Variants in RBM6 observed in about 807,000 individuals in gnomAD.
The protein encoded by RBM6 is RNA-binding protein 6.
A neutral mutation model predicts 140.4 loss-of-function variants in RBM6; 23 were observed. The observed-to-expected ratio is 0.16, with a 90% CI of 0.12 to 0.23. The LOEUF (loss-of-function observed/expected upper bound fraction) is 0.23. Among genes scored for constraint, RBM6 ranks in the 10% least tolerant of loss-of-function variants. The pLI is 1.00. For synonymous variants in RBM6, 439 were observed against 475.6 expected (o/e 0.92, Z 1.00); for missense variants, 1,139 against 1,386.7 (o/e 0.82, Z 2.84).
At chr3:50,027,228 T>G (rs1188300467) in intron 6 of RBM6, among the ~76,000 whole-genome samples, 2 of 152,154 alleles carry the variant, frequency 1.3e-5, no homozygotes, top group Non-Finnish European at 2.9e-5. Context: ...GGTGCTCATC[T>G]GGGCCAGAAT....
chr3:50,009,042 A>C (rs1055738170), intron 6 of RBM6, among the ~76,000 whole-genome samples: 2 of 152,154 alleles, frequency 1.3e-5, no homozygotes, highest in African/African-American at 4.8e-5. Context: ...GGTTGTACCA[A>C]CTTCTCATTT....
intron 5 of RBM6, among the ~76,000 whole-genome samples, chr3:49,998,777 A>T (rs145952833): frequency 6.6e-6 from 1 of 152,138 alleles, no homozygotes; most frequent in South Asian, 2.1e-4. Context: ...GGACATAGTT[A>T]TTTGTACTTA....
Position 50,058,502 on chromosome 3 carries a change from C to A in RBM6, c.2070C>A (p.Ile690=). Residue 690 remains isoleucine (I), a synonymous_variant, in exon 10 of 21, where the codon ATC becomes ATA. Coordinates refer to ENST00000266022, the MANE Select transcript of RBM6 (RefSeq NM_005777.3). The part of the protein sequence containing the change: ...VRLTTANVRI[I]KNRTGPMGHT... ...TTACTACTGCCAACGTCCGTATCAT[C>A]AAGAACAGAACAGGCCCTATGGGGC... 1 of 1,609,514 alleles carries A rather than the reference C, an allele frequency of 6.2e-7. No homozygotes were observed. Among genetic ancestry groups the A allele is most frequent in the Non-Finnish European group, 8.5e-7 (1 of 1,175,790 alleles).
chr3:49,968,560 A>G lies in RBM6; in HGVS notation c.1135A>G (p.Ser379Gly), dbSNP rs1159024081. ...KSQLSGREEQ[S>G]SDAGLFKEEG... ...ACAGCTTTCTGGACGTGAAGAGCAG[A>G]GTTCAGATGCTGGTCTGTTTAAAGA... Residue 379 changes from serine to glycine, a missense_variant, in exon 3 of 21, where the codon AGT (serine) becomes GGT (glycine). By Grantham distance (56) the Ser-to-Gly change is moderately conservative (BLOSUM62 0). This residue lies in a region of RBM6 where 566 missense variants were observed against 612.7 expected (regional missense o/e 0.92). Transcript: ENST00000266022. 1 of 1,614,174 alleles carries G rather than the reference A, an allele frequency of 6.2e-7. No homozygotes were observed. The highest frequency in any genetic ancestry group is 2.2e-5 in the East Asian group (1 of 44,874).
At chr3:50,055,417 G>A (rs989151952) in intron 8 of RBM6, among the ~76,000 whole-genome samples, 6 of 151,844 alleles carry the variant, frequency 4.0e-5, no homozygotes, top group Admixed American at 6.6e-5. Context: ...GCAACAGAGT[G>A]AGAAAAAAAA....
At chr3:50,010,783 G>A (rs1415074225) in intron 6 of RBM6, among the ~76,000 whole-genome samples, 1 of 147,280 alleles carries the variant, frequency 6.8e-6, no homozygotes, top group East Asian at 2.0e-4. Context: ...TGTTCCTGTA[G>A]TCCCAGCTAC....
intron 13 of RBM6, 90 bp downstream of exon 13, chr3:50,061,311 A>G: frequency 6.2e-7 from 1 of 1,600,474 alleles, no homozygotes; most frequent in Non-Finnish European, 8.5e-7. Context: ...TTGGCAAGAT[A>G]CACTGTTGAC....
At chr3:49,995,364 T>G (rs2086035937) in intron 5 of RBM6, among the ~76,000 whole-genome samples, 4 of 152,102 alleles carry the variant, frequency 2.6e-5, no homozygotes, top group Admixed American at 2.6e-4. Context: ...GAGACCAGCC[T>G]GGCCAACGTG....
chr3:50,059,962 C>T (rs558075488), intron 11 of RBM6, among the ~76,000 whole-genome samples: 1 of 152,256 alleles, frequency 6.6e-6, no homozygotes, highest in East Asian at 1.9e-4. Flanking sequence ...TGTCCTTTCC[C>T]TTTTGACTGT....
intron 5 of RBM6, among the ~76,000 whole-genome samples, chr3:49,979,333 A>G (rs760890440): frequency 6.6e-6 from 1 of 152,102 alleles, no homozygotes; most frequent in Non-Finnish European, 1.5e-5. Flanking sequence ...AGTGTTCTGG[A>G]ACTAGGTAGT....
At chr3:49,945,881 C>CAAAAAAAAAAAAAAAAAAAAA (rs67271820) in intron 1 of RBM6, among the ~76,000 whole-genome samples, 1 of 61,924 alleles carries the variant, frequency 1.6e-5, no homozygotes, top group Non-Finnish European at 3.0e-5. Context: ...GACTCCATCT[C>CAAAAAAAAAAAAAAAAAAAAA]AAAAAAAAAA....
intron 6 of RBM6, among the ~76,000 whole-genome samples, chr3:50,016,259 C>T (rs2087140733): frequency 6.6e-6 from 1 of 152,124 alleles, no homozygotes; most frequent in Non-Finnish European, 1.5e-5. Context: ...TTCCACATGT[C>T]GCAAATGGCA....
At chr3:50,039,541 G>T (rs535423380) in intron 6 of RBM6, among the ~76,000 whole-genome samples, 1 of 144,270 alleles carries the variant, frequency 6.9e-6, no homozygotes, top group Admixed American at 7.4e-5. Flanking sequence ...ATGGGCCACC[G>T]CACCCAGCAT....
chr3:49,992,371 T>G (rs2085867621), intron 5 of RBM6, among the ~76,000 whole-genome samples: 1 of 152,186 alleles, frequency 6.6e-6, no homozygotes, highest in Non-Finnish European at 1.5e-5. Context: ...AGCCATGTAA[T>G]CTATGGAGGC....
intron 6 of RBM6, among the ~76,000 whole-genome samples, chr3:50,003,762 G>A (rs1028425191): frequency 2.0e-5 from 3 of 152,210 alleles, no homozygotes; most frequent in Non-Finnish European, 2.9e-5. Flanking sequence ...GGCAGCAGCT[G>A]TCTATCTGGA....
At chr3:50,043,157 G>A (rs1460390853) in intron 6 of RBM6, among the ~76,000 whole-genome samples, 1 of 152,180 alleles carries the variant, frequency 6.6e-6, no homozygotes, top group African/African-American at 2.4e-5. Flanking sequence ...TGCTGAGAAA[G>A]GAGGAGATGT....
At chr3:50,033,897 C>T (rs1407973019) in intron 6 of RBM6, among the ~76,000 whole-genome samples, 3 of 152,186 alleles carry the variant, frequency 2.0e-5, no homozygotes, top group African/African-American at 7.2e-5. Flanking sequence ...GCCTTGGCCT[C>T]CCAAAGTGGT....
intron 1 of RBM6, among the ~76,000 whole-genome samples, chr3:49,950,147 G>A (rs944425411): frequency 1.3e-5 from 2 of 152,136 alleles, no homozygotes; most frequent in African/African-American, 4.8e-5. Context: ...GATCCAGGGA[G>A]TGGGTAGGCG....
chr3:49,997,459 C>T (rs1420963609), intron 5 of RBM6, among the ~76,000 whole-genome samples: 2 of 152,164 alleles, frequency 1.3e-5, no homozygotes, highest in Non-Finnish European at 2.9e-5. Flanking sequence ...CTCCTCTGGG[C>T]CACAGTAGTT....
Sources: allele counts gnomAD v4.1 joint callset (sites outside exome capture counted in the v4.1 genomes callset), GRCh38; gene constraint gnomAD v4.1.1; regional missense constraint gnomAD v4.1.1; transcripts MANE v1.5; gene names NCBI Gene and HGNC (gene_info 2026-07-23, HGNC 2026-07-21).